The following PLCXD3 variants were observed in gnomAD, a reference collection of about 807,000 sequenced individuals.
PLCXD3 encodes PI-PLC X domain-containing protein 3.
Under a neutral mutation model 25.5 loss-of-function variants are expected in PLCXD3, and 19 were observed. The observed-to-expected ratio is 0.75, with a 90% CI of 0.52 to 1.09. PLCXD3 has a LOEUF of 1.09. PLCXD3 is among the 50% of genes least tolerant of loss of function. The pLI is 0.00. For missense variants in PLCXD3, 411 were observed against 388.1 expected (o/e 1.06, Z -0.50); for synonymous variants, 174 against 137.6 (o/e 1.26, Z -1.85).
chr5:41,459,947 G>A (rs945731255), intron 1 of PLCXD3, among the ~76,000 whole-genome samples: 1 of 151,906 alleles, frequency 6.6e-6, no homozygotes, highest in African/African-American at 2.4e-5. Flanking sequence ...GATAAATCCT[G>A]CAAGGAGCTA....
At chr5:41,494,744 A>G (rs1427668170) in intron 1 of PLCXD3, among the ~76,000 whole-genome samples, 1 of 152,232 alleles carries the variant, frequency 6.6e-6, no homozygotes, top group Non-Finnish European at 1.5e-5. Context: ...GGCAGTCATT[A>G]GCATACTGAT....
intron 1 of PLCXD3, among the ~76,000 whole-genome samples, chr5:41,422,338 C>T (rs1038664077): frequency 6.6e-6 from 1 of 152,122 alleles, no homozygotes; most frequent in African/African-American, 2.4e-5. Context: ...GTGGACTTGG[C>T]AGCAATATGA....
At chr5:41,468,649 T>A (rs921662014) in intron 1 of PLCXD3, among the ~76,000 whole-genome samples, 2 of 152,194 alleles carry the variant, frequency 1.3e-5, no homozygotes, top group African/African-American at 4.8e-5. Context: ...TAAATGGGAT[T>A]ATTTTATTTT....
intron 1 of PLCXD3, among the ~76,000 whole-genome samples, chr5:41,417,900 A>G (rs1450819184): frequency 6.6e-5 from 10 of 152,364 alleles, no homozygotes; most frequent in Admixed American, 2.6e-4. Flanking sequence ...ATTTGGATAC[A>G]TGGGCCAAAG....
chr5:41,417,479 T>G (rs1313974192), intron 1 of PLCXD3, among the ~76,000 whole-genome samples: 1 of 152,152 alleles, frequency 6.6e-6, no homozygotes, highest in Non-Finnish European at 1.5e-5. Flanking sequence ...TCTTGCTGCT[T>G]CTTCTACCCA....
chr5:41,492,171 T>C (rs1010006058), intron 1 of PLCXD3, among the ~76,000 whole-genome samples: 97 of 152,304 alleles, frequency 6.4e-4, no homozygotes, highest in African/African-American at 2.1e-3. Flanking sequence ...CTGTAAAGTA[T>C]TTTATTTCTC....
chr5:41,400,327 C>T (rs1746142098), intron 1 of PLCXD3, among the ~76,000 whole-genome samples: 1 of 152,022 alleles, frequency 6.6e-6, no homozygotes, highest in African/African-American at 2.4e-5. Context: ...TCTAGCCATC[C>T]CACTGCTGGG....
At chr5:41,441,582 A>T (rs1302787736) in intron 1 of PLCXD3, among the ~76,000 whole-genome samples, 1 of 152,120 alleles carries the variant, frequency 6.6e-6, no homozygotes, top group Non-Finnish European at 1.5e-5. Context: ...GAACATCTGC[A>T]TTTGCCCACA....
chr5:41,510,177 A>G (rs538351669), intron 1 of PLCXD3, among the ~76,000 whole-genome samples: 2 of 152,180 alleles, frequency 1.3e-5, no homozygotes, highest in East Asian at 3.9e-4. Flanking sequence ...CTCCGCATAC[A>G]ACCTGCTTCA....
chr5:41,344,158 G>A (rs147574136), intron 2 of PLCXD3, among the ~76,000 whole-genome samples: 18 of 152,232 alleles, frequency 1.2e-4, no homozygotes, highest in African/African-American at 3.6e-4. Flanking sequence ...TGGTCATAAA[G>A]AGCAGGCATT....
At chr5:41,360,033 T>A (rs1048781911) in intron 2 of PLCXD3, among the ~76,000 whole-genome samples, 6 of 152,312 alleles carry the variant, frequency 3.9e-5, no homozygotes, top group East Asian at 3.9e-4. Context: ...TTCATTTTTT[T>A]AAAAAATTCT....
intron 2 of PLCXD3, among the ~76,000 whole-genome samples, chr5:41,317,755 G>T (rs1743345342): frequency 6.6e-6 from 1 of 151,868 alleles, no homozygotes; most frequent in East Asian, 1.9e-4. Flanking sequence ...GTCATTTAAT[G>T]GCAGAATGGA....
At chr5:41,389,826 A>G (rs949048384) in intron 1 of PLCXD3, among the ~76,000 whole-genome samples, 3 of 152,176 alleles carry the variant, frequency 2.0e-5, no homozygotes, top group African/African-American at 7.2e-5. Context: ...TTTTACATTG[A>G]CATGTTCCTT....
At position 41,504,447 on chromosome 5, in the gene PLCXD3, G is replaced by A. The variant is rs79642204; in HGVS notation, c.103+5977C>T. Among the ~76,000 whole-genome samples, 591 of 152,196 alleles carry A rather than the reference G, an allele frequency of 3.9e-3. 4 individuals carry two copies. Among genetic ancestry groups the A allele is most frequent in the Non-Finnish European group, 6.4e-3 (433 of 68,008 alleles). The stretch of plus-strand genomic sequence containing the variant: ...CAACAAAATAATCAATATAAACCAG[G>A]CAAAAAGATGCCTGGTTTTGGCAGT... On this transcript the variant is annotated intron_variant, in intron 1 of 2. Coordinates refer to ENST00000377801, the MANE Select transcript of PLCXD3 (RefSeq NM_001005473.3).
At chr5:41,475,660 C>T in intron 1 of PLCXD3, 1 of 534,806 alleles carries the variant, frequency 1.9e-6, no homozygotes, top group Non-Finnish European at 3.8e-6. Context: ...TGTTCAGGCG[C>T]CACCTGTGGC....
chr5:41,422,280 A>G (rs1746847306), intron 1 of PLCXD3, among the ~76,000 whole-genome samples: 1 of 152,212 alleles, frequency 6.6e-6, no homozygotes, highest in Non-Finnish European at 1.5e-5. Context: ...AAATGGCTTC[A>G]AAACATGACT....
rs141182547 is a variant in PLCXD3, at chr5:41,407,232, C to A, written c.104-24698G>T. Among the ~76,000 whole-genome samples, 1,344 of 152,176 alleles carry A rather than the reference C, an allele frequency of 8.8e-3. 15 individuals are homozygous for A. The highest frequency in any genetic ancestry group is 0.024 in the Middle Eastern group (7 of 294). On this transcript the variant is annotated intron_variant, in intron 1 of 2. Coordinates refer to ENST00000377801, the MANE Select transcript of PLCXD3 (RefSeq NM_001005473.3). ...GTAACTGGATAGGCAGTGGTTCATT[C>A]CTGATAGTACTTAGAAAAAATGAAA... is the stretch of plus-strand genomic sequence containing the variant.
At chr5:41,387,193 A>C (rs1391865180) in intron 1 of PLCXD3, among the ~76,000 whole-genome samples, 1 of 152,068 alleles carries the variant, frequency 6.6e-6, no homozygotes, top group Non-Finnish European at 1.5e-5. Context: ...CTAGGAGCTG[A>C]GGTCTGAGCT....
chr5:41,440,065 G>C (rs1747343651), intron 1 of PLCXD3, among the ~76,000 whole-genome samples: 1 of 152,082 alleles, frequency 6.6e-6, no homozygotes, highest in Non-Finnish European at 1.5e-5. Context: ...GGCCTGACTT[G>C]TATGATGGCC....
Sources: gnomAD v4.1 joint callset for allele counts (sites outside exome capture counted in the v4.1 genomes callset) on GRCh38, gnomAD v4.1.1 for gene constraint, MANE v1.5 for transcripts, NCBI Gene and HGNC (gene_info 2026-07-23, HGNC 2026-07-21) for gene names.